TAX1BP1: variants seen among roughly 807,000 people sequenced by gnomAD.
TAX1BP1 encodes the protein tax1-binding protein 1.
Under a neutral mutation model 97.7 loss-of-function variants are expected in TAX1BP1, and 62 were observed. That is an observed-to-expected ratio of 0.63 (90% confidence interval 0.52 to 0.78). TAX1BP1 has a LOEUF of 0.78. Ranked by LOEUF, TAX1BP1 falls within the 30% of genes least tolerant of loss-of-function variation. The pLI is 0.00. For missense variants in TAX1BP1, 867 were observed against 916.1 expected (o/e 0.95, Z 0.69); for synonymous variants, 340 against 304.2 (o/e 1.12, Z -1.23).
At chr7:27,739,898 C>T (rs1787497758), upstream of TAX1BP1, 1 of 152,300 alleles carries the variant, frequency 6.6e-6, no homozygotes, top group African/African-American at 2.4e-5. Context: ...TGTGTGTTTC[C>T]CCCTTTCGTA....
intron 3 of TAX1BP1, among the ~76,000 whole-genome samples, chr7:27,763,777 AAAAG>A (rs1001385607): frequency 6.6e-6 from 1 of 152,114 alleles, no homozygotes; most frequent in African/African-American, 2.4e-5. Context: ...CAAAAAAAAA[AAAAG>A]AATCAGACCT....
intron 1 of TAX1BP1, among the ~76,000 whole-genome samples, chr7:27,741,350 A>T (rs1242632536): frequency 6.6e-6 from 1 of 152,222 alleles, no homozygotes; most frequent in Non-Finnish European, 1.5e-5. Context: ...GGAGCTTAGG[A>T]CAGCCTTTCT....
intron 2 of TAX1BP1, among the ~76,000 whole-genome samples, chr7:27,754,159 A>T (rs749484231): frequency 9.2e-5 from 14 of 152,166 alleles, no homozygotes; most frequent in Non-Finnish European, 2.1e-4. Context: ...TGTCAAGCAC[A>T]TCAAAAACTA....
At chr7:27,767,633 A>G (rs1788691736) in intron 4 of TAX1BP1, among the ~76,000 whole-genome samples, 1 of 152,118 alleles carries the variant, frequency 6.6e-6, no homozygotes, top group Non-Finnish European at 1.5e-5. Flanking sequence ...GATCTTAAGA[A>G]TGCAGTCAGT....
chr7:27,817,180 C>T (rs1790803737), intron 15 of TAX1BP1, 142 bp downstream of exon 15: 14 of 996,268 alleles, frequency 1.4e-5, no homozygotes, highest in East Asian at 1.2e-4. Context: ...TGCCTGCACA[C>T]AATTGCCTAC....
At position 27,740,241 on chromosome 7, in the gene TAX1BP1, C is replaced by G. The variant is rs1208136652; in HGVS notation, c.-36C>G. 2 of 152,370 alleles carry G rather than the reference C, an allele frequency of 1.3e-5. No homozygotes were observed. Among genetic ancestry groups the G allele is most frequent in the Non-Finnish European group, 2.9e-5 (2 of 68,188 alleles). The allele number at this position is 152,370 out of a possible 1,614,324, so 9.4% of individuals were successfully genotyped here. ...CAGGATCGGAAGCCTGCGTAACTTT[C>G]TCCCTTGATCCGGGAGTCTTTCCAC... is the stretch of plus-strand genomic sequence containing the variant. On this transcript the variant is annotated 5_prime_UTR_variant, in exon 1 of 17. Coordinates refer to ENST00000396319, the MANE Select transcript of TAX1BP1 (RefSeq NM_006024.7).
At chr7:27,795,735 G>T (rs145030809) in intron 11 of TAX1BP1, among the ~76,000 whole-genome samples, 3,625 of 152,108 alleles carry the variant, frequency 0.024, 72 homozygotes, top group East Asian at 0.082. Context: ...TGTATTTTTA[G>T]TAGAGACAGG....
At chr7:27,812,984 T>TGTGGCCTACAAAG (rs1220948896) in intron 13 of TAX1BP1, among the ~76,000 whole-genome samples, 1 of 152,142 alleles carries the variant, frequency 6.6e-6, no homozygotes, top group Non-Finnish European at 1.5e-5. Context: ...ACAGAGACTG[T>TGTGGCCTACAAAG]GTGGCCTACA....
Position 27,800,039 on chromosome 7 carries a change from A to G in TAX1BP1, c.1713A>G (p.Lys571=). The G allele has an allele frequency of 6.2e-7, 1 of 1,602,334 alleles. No homozygotes were observed. The highest frequency in any genetic ancestry group is 8.5e-7 in the Non-Finnish European group (1 of 1,174,634). Residue 571 remains lysine, a synonymous_variant, in exon 13 of 17, where the codon AAA becomes AAG. Coordinates refer to ENST00000396319, the MANE Select transcript of TAX1BP1 (RefSeq NM_006024.7). ...AGCTGAAATGGAAAGAACAAGTGAA[A>G]ATTGCTGAAAATGTAAAACTTGAAC... is the stretch of plus-strand genomic sequence containing the variant. ...KMELKWKEQV[K]IAENVKLELA...
intron 13 of TAX1BP1, 101 bp from the exon 14 acceptor site, chr7:27,816,248 A>G (rs1483063964): frequency 2.0e-6 from 2 of 989,118 alleles, no homozygotes; most frequent in Non-Finnish European, 2.9e-6. Flanking sequence ...TCATAATAGG[A>G]AATAATTTTA....
chr7:27,777,243 T>C (rs1011081982), intron 5 of TAX1BP1, among the ~76,000 whole-genome samples: 4 of 152,200 alleles, frequency 2.6e-5, no homozygotes, highest in African/African-American at 9.7e-5. Context: ...GGTGTTGGGA[T>C]ATTTTTTATA....
intron 13 of TAX1BP1, among the ~76,000 whole-genome samples, chr7:27,800,780 G>C (rs1183342729): frequency 1.3e-5 from 2 of 152,072 alleles, no homozygotes; most frequent in Non-Finnish European, 2.9e-5. Flanking sequence ...TTAGGCAACA[G>C]ACAAGCCCAA....
chr7:27,787,290 A>G (rs1217469423), intron 7 of TAX1BP1, 128 bp from the exon 8 acceptor site: 1 of 799,796 alleles, frequency 1.3e-6, no homozygotes, highest in Non-Finnish European at 1.8e-6. Context: ...GGGTCTCCTA[A>G]ATCCTAGTCT....
chr7:27,755,841 A>G (rs892449559), intron 2 of TAX1BP1, among the ~76,000 whole-genome samples: 2 of 152,164 alleles, frequency 1.3e-5, no homozygotes, highest in South Asian at 2.1e-4. Flanking sequence ...CCTAGAAGCA[A>G]TGTATTTTGG....
At chr7:27,765,119 G>A (rs1215027463) in intron 3 of TAX1BP1, among the ~76,000 whole-genome samples, 3 of 112,018 alleles carry the variant, frequency 2.7e-5, no homozygotes, top group South Asian at 6.5e-4. Context: ...GGGCTCAAGC[G>A]ATCCTCCCGC....
intron 13 of TAX1BP1, among the ~76,000 whole-genome samples, chr7:27,803,847 T>C (rs1208691254): frequency 6.6e-6 from 1 of 151,252 alleles, no homozygotes; most frequent in Non-Finnish European, 1.5e-5. Flanking sequence ...TTAATAAAGG[T>C]AAAGTGCTTG....
At chr7:27,774,377 G>T (rs560307798) in intron 5 of TAX1BP1, among the ~76,000 whole-genome samples, 3 of 151,970 alleles carry the variant, frequency 2.0e-5, no homozygotes, top group South Asian at 2.1e-4. Context: ...TGGATAAGTC[G>T]TCTAGTTAAC....
intron 13 of TAX1BP1, among the ~76,000 whole-genome samples, chr7:27,804,248 T>C (rs1264804269): frequency 1.3e-5 from 2 of 152,252 alleles, no homozygotes; most frequent in Non-Finnish European, 2.9e-5. Context: ...TACAAAATCA[T>C]GTATCATAAA....
At chr7:27,772,099 A>G (rs1788867413) in intron 5 of TAX1BP1, 1 of 151,872 alleles carries the variant, frequency 6.6e-6, no homozygotes. Flanking sequence ...TGGGGATAAA[A>G]CGTGTTGGCC....
Sources: allele counts gnomAD v4.1 joint callset (sites outside exome capture counted in the v4.1 genomes callset), GRCh38; gene constraint gnomAD v4.1.1; transcripts MANE v1.5; gene names NCBI Gene and HGNC (gene_info 2026-07-23, HGNC 2026-07-21).